The following STIM1 variants were observed in gnomAD, a reference collection of about 807,000 sequenced individuals.
The protein encoded by STIM1 is stromal interaction molecule 1.
A neutral mutation model predicts 74.7 loss-of-function variants in STIM1; 25 were observed. That is an observed-to-expected ratio of 0.33 (90% CI 0.24 to 0.47). The LOEUF is 0.47. Ranked by LOEUF, STIM1 falls within the 20% of genes least tolerant of loss-of-function variation. STIM1 has a pLI of 1.00. For synonymous variants in STIM1, 328 were observed against 348.8 expected (o/e 0.94, Z 0.66); for missense variants, 728 against 920.8 (o/e 0.79, Z 2.71).
chr11:4,012,846 A>T (rs1311245108), intron 2 of STIM1, among the ~76,000 whole-genome samples: 1 of 152,174 alleles, frequency 6.6e-6, no homozygotes, highest in Non-Finnish European at 1.5e-5. Context: ...ATTCAGTATT[A>T]TATTGGCTGT....
rs570864275 is a variant in STIM1, at chr11:3,882,212, A to G, written c.139+25803A>G. Among the ~76,000 whole-genome samples the G allele has an allele frequency of 2.8e-5, 4 of 143,256 alleles. No individual in the cohort carries two copies. The East Asian group carries it at 8.3e-4, about 30-fold the overall frequency. The allele number at this position is 143,256 out of a possible 152,430, so 94.0% of individuals were successfully genotyped here. A position where few individuals can be genotyped will look rare whatever the true frequency, so the allele number is the denominator to read the frequency against. ...TCTCCTGGGTTCAAGCGATTCTCCT[A>G]CCTCAGCCTCCCGAGTAGCTGGGAT... is the stretch of plus-strand genomic sequence containing the variant. On this transcript the variant is annotated intron_variant, in intron 1 of 12. Coordinates refer to ENST00000526596, the MANE Select transcript of STIM1 (RefSeq NM_001382567.1).
chr11:4,012,524 T>C (rs1341585414), intron 2 of STIM1, among the ~76,000 whole-genome samples: 1 of 151,934 alleles, frequency 6.6e-6, no homozygotes, highest in Non-Finnish European at 1.5e-5. Context: ...GGCTCTCTGT[T>C]TGTCTGTTCT....
At chr11:3,903,817 C>G (rs1268739726) in intron 1 of STIM1, among the ~76,000 whole-genome samples, 1 of 152,064 alleles carries the variant, frequency 6.6e-6, no homozygotes, top group African/African-American at 2.4e-5. Flanking sequence ...AGTCTGTGTC[C>G]ATGAACAACC....
At chr11:4,002,967 C>A (rs1251491088) in intron 2 of STIM1, among the ~76,000 whole-genome samples, 1 of 145,914 alleles carries the variant, frequency 6.9e-6, no homozygotes, top group Admixed American at 6.8e-5. Context: ...CACCTCTATG[C>A]AAATATACTA....
At chr11:3,878,019 G>C (rs2091362195) in intron 1 of STIM1, among the ~76,000 whole-genome samples, 1 of 152,190 alleles carries the variant, frequency 6.6e-6, no homozygotes, top group Non-Finnish European at 1.5e-5. Context: ...AGTGAGTAAA[G>C]AACATGTTCC....
At chr11:4,062,668 A>G (rs989012322) in intron 5 of STIM1, among the ~76,000 whole-genome samples, 5 of 152,236 alleles carry the variant, frequency 3.3e-5, no homozygotes, top group African/African-American at 1.2e-4. Context: ...TGAACATATT[A>G]TTTGTATAGT....
chr11:3,927,628 G>A (rs1327395294), intron 1 of STIM1, among the ~76,000 whole-genome samples: 3 of 152,188 alleles, frequency 2.0e-5, no homozygotes, highest in Admixed American at 6.5e-5. Context: ...TGATGGTGGT[G>A]CAGGTAGCAA....
rs200658405 is a variant in STIM1 at position 4,023,902 on chromosome 11, C to A, written c.300C>A (p.Asp100Glu). The change falls in exon 3 of 13, where the codon GAC (aspartate) becomes GAA (glutamate). Residue 100 changes from aspartate (D) to glutamate (E), a missense_variant. Coordinates refer to ENST00000526596, the MANE Select transcript of STIM1 (RefSeq NM_001382567.1). ...TGAGGGAAGACCTCAATTACCATGA[C>A]CCAACAGTGAAACACAGCACCTTCC... ...EFLREDLNYH[D>E]PTVKHSTFHG... 6.2e-7 allele frequency: 1 copy of A among 1,614,006 alleles called. No homozygotes were observed.
chr11:3,996,908 G>T (rs2093667982), intron 2 of STIM1, among the ~76,000 whole-genome samples: 1 of 152,130 alleles, frequency 6.6e-6, no homozygotes, highest in Admixed American at 6.5e-5. Context: ...TATAAATGTG[G>T]CAGTATTTAC....
intron 10 of STIM1, 102 bp from the exon 11 acceptor site, chr11:4,084,571 C>A: frequency 1.0e-6 from 1 of 953,996 alleles, no homozygotes; most frequent in Non-Finnish European, 1.5e-6. Flanking sequence ...CTCTGAGCTA[C>A]CCAATCCCTG....
At chr11:3,980,855 G>A (rs1425060691) in intron 2 of STIM1, among the ~76,000 whole-genome samples, 1 of 152,050 alleles carries the variant, frequency 6.6e-6, no homozygotes, top group Non-Finnish European at 1.5e-5. Flanking sequence ...TCTACATACT[G>A]GATGCCAGTA....
At chr11:3,931,452 A>G (rs73425494) in intron 1 of STIM1, among the ~76,000 whole-genome samples, 2,625 of 152,234 alleles carry the variant, frequency 0.017, 75 homozygotes, top group African/African-American at 0.06. Flanking sequence ...CCAGGGTGCT[A>G]AGTTCACCCT....
rs149260527 is a variant in STIM1, at chr11:3,972,139, A to G, written c.270+4457A>G. Among the ~76,000 whole-genome samples, 447 of 152,280 alleles carry G rather than the reference A, an allele frequency of 2.9e-3. 8 individuals are homozygous for G. The highest frequency in any genetic ancestry group is 2.4e-4 in the Non-Finnish European group (16 of 68,026). On this transcript the variant is annotated intron_variant, in intron 2 of 12. Coordinates refer to ENST00000526596, the MANE Select transcript of STIM1 (RefSeq NM_001382567.1). ...ATAAGTCATCTTAAAAGCCTTGCTG[A>G]TTACTCAAGAGCCTTAGTAGAAGTC...
intron 2 of STIM1, among the ~76,000 whole-genome samples, chr11:4,010,460 T>A (rs1565147274): frequency 6.6e-6 from 1 of 152,120 alleles, no homozygotes; most frequent in African/African-American, 2.4e-5. Flanking sequence ...CATGAGCCAC[T>A]GCGCCCGGCC....
chr11:3,895,875 T>TCTTTTCTTTC (rs1209994794), intron 1 of STIM1, among the ~76,000 whole-genome samples: 2 of 139,742 alleles, frequency 1.4e-5, no homozygotes, highest in Non-Finnish European at 3.0e-5. Flanking sequence ...CTCTTTCTTT[T>TCTTTTCTTTC]CTTTTCTTTC....
At chr11:3,967,520 G>C (rs2093350646) in intron 1 of STIM1, 32 bp from the exon 2 acceptor site, 1 of 1,613,892 alleles carries the variant, frequency 6.2e-7, no homozygotes, top group Non-Finnish European at 8.5e-7. Context: ...TGGCAGCTCT[G>C]AGTAATTTTG....
intron 1 of STIM1, among the ~76,000 whole-genome samples, chr11:3,897,367 A>G (rs2092210725): frequency 6.6e-6 from 1 of 152,068 alleles, no homozygotes; most frequent in South Asian, 2.1e-4. Context: ...CTCCAAGCTT[A>G]TTGCGATGGA....
intron 3 of STIM1, among the ~76,000 whole-genome samples, chr11:4,041,896 A>T (rs1385861873): frequency 6.6e-6 from 1 of 152,202 alleles, no homozygotes; most frequent in Non-Finnish European, 1.5e-5. Flanking sequence ...CAAAGCTCAC[A>T]TTCTTAACCA....
chr11:3,954,386 C>T (rs117165592), intron 1 of STIM1, among the ~76,000 whole-genome samples: 2 of 152,248 alleles, frequency 1.3e-5, no homozygotes, highest in African/African-American at 2.4e-5. Context: ...GAAGTCTAAC[C>T]GTTGTCCTAG....
Sources: allele counts gnomAD v4.1 joint callset (sites outside exome capture counted in the v4.1 genomes callset), GRCh38; gene constraint gnomAD v4.1.1; transcripts MANE v1.5; gene names NCBI Gene and HGNC (gene_info 2026-07-23, HGNC 2026-07-21).